Variants in PRKD3 observed in about 807,000 individuals in gnomAD.
PRKD3 encodes the protein serine/threonine-protein kinase D3.
PRKD3 carries 47 observed loss-of-function variants against 99.2 expected under a neutral mutation model. That is an observed-to-expected ratio of 0.47 (90% CI 0.38 to 0.60). The LOEUF is 0.60. Ranked by LOEUF, PRKD3 falls within the 20% of genes least tolerant of loss-of-function variation. The pLI is 0.00. For missense variants in PRKD3, 1,019 were observed against 1,088.4 expected (o/e 0.94, Z 0.90); for synonymous variants, 392 against 355.4 (o/e 1.10, Z -1.16).
chr2:37,283,891 A>C (rs1363345576), intron 6 of PRKD3, among the ~76,000 whole-genome samples: 1 of 131,352 alleles, frequency 7.6e-6, no homozygotes, highest in African/African-American at 3.0e-5. Context: ...ACAGAGCAAG[A>C]CTCTGTCTCA....
At chr2:37,268,035 T>TA (rs201415076) in intron 13 of PRKD3, 4,461 of 192,852 alleles carry the variant, frequency 0.023, 78 homozygotes, top group Middle Eastern at 0.033. Flanking sequence ...AGAAGTTTAT[T>TA]ATAATGAACA....
intron 2 of PRKD3, among the ~76,000 whole-genome samples, chr2:37,314,946 T>C (rs930043363): frequency 6.6e-6 from 1 of 152,038 alleles, no homozygotes; most frequent in African/African-American, 2.4e-5. Context: ...GTACAAGTCA[T>C]TGTTAAAACA....
At chr2:37,320,315 C>T (rs1400494614) in intron 1 of PRKD3, among the ~76,000 whole-genome samples, 1 of 151,508 alleles carries the variant, frequency 6.6e-6, no homozygotes, top group Non-Finnish European at 1.5e-5. Context: ...GGTTGTCTCA[C>T]GAGGTAATGA....
intron 13 of PRKD3, chr2:37,269,339 C>A (rs559943778): frequency 7.6e-6 from 3 of 397,254 alleles, no homozygotes; most frequent in South Asian, 2.8e-5. Flanking sequence ...CCATCTCCCC[C>A]CCTGCCTCCG....
At position 37,289,419 on chromosome 2, in the gene PRKD3, T is replaced by C. The variant is rs774988038; in HGVS notation, c.654A>G (p.Pro218=). Residue 218 remains proline (P), a synonymous_variant, in exon 5 of 19, where the codon CCA becomes CCG. Coordinates refer to ENST00000234179, the MANE Select transcript of PRKD3 (RefSeq NM_005813.6). ...RKRRLSNVSL[P]GPGLSVPRPL... is the part of the protein sequence containing the mutation. Reference sequence around the variant, plus strand: ...GTCTTGGAACTGAGAGGCCGGGTCCTGGTAAAGATACATTTGACAGACGTC... The same window carrying C: ...GTCTTGGAACTGAGAGGCCGGGTCCCGGTAAAGATACATTTGACAGACGTC... 3.7e-6 allele frequency: 6 copies of C among 1,614,016 alleles called. No homozygotes were observed. Among genetic ancestry groups the C allele is most frequent in the Non-Finnish European group, 5.1e-6 (6 of 1,180,008 alleles).
chr2:37,295,226 A>G (rs1670623559), intron 2 of PRKD3, among the ~76,000 whole-genome samples: 1 of 152,202 alleles, frequency 6.6e-6, no homozygotes, highest in Non-Finnish European at 1.5e-5. Flanking sequence ...GGAACTTACA[A>G]TCTAGTAGGA....
At chr2:37,264,569 TGAG>T (rs1286030533) in intron 14 of PRKD3, among the ~76,000 whole-genome samples, 9 of 152,048 alleles carry the variant, frequency 5.9e-5, no homozygotes, top group African/African-American at 2.2e-4. Context: ...GAGGCTTCAT[TGAG>T]GAAATGATAT....
Position 37,253,343 on chromosome 2 carries a change from T to C in PRKD3, c.2507A>G (p.Gln836Arg). The C allele has an allele frequency of 1.2e-6, 2 of 1,610,026 alleles. No individual in the cohort carries two copies. Among genetic ancestry groups the C allele is most frequent in the Non-Finnish European group, 1.7e-6 (2 of 1,177,232 alleles). Reference sequence around the variant, plus strand: ...AAATTCTCTAAGGTCAAGCCAAGTCTGATAGTCCTAGGAGAAAATGAAATT... The same window carrying C: ...AAATTCTCTAAGGTCAAGCCAAGTCCGATAGTCCTAGGAGAAAATGAAATT... ...SLSHPWLQDY[Q>R]TWLDLREFET... is the part of the protein sequence containing the mutation. Residue 836 changes from glutamine (Q) to arginine (R), a missense_variant, in exon 19 of 19, where the codon CAG becomes CGG. Gln to Arg is a conservative substitution (Grantham distance 43). This residue lies in a region of PRKD3 where 125 missense variants were observed against 120.6 expected (regional missense o/e 1.04). Transcript: ENST00000234179.
chr2:37,291,589 G>A (rs1670425548), intron 3 of PRKD3, among the ~76,000 whole-genome samples: 1 of 152,216 alleles, frequency 6.6e-6, no homozygotes, highest in East Asian at 1.9e-4. Flanking sequence ...GGACTTCCAG[G>A]TGAGACAGGG....
Position 37,316,823 on chromosome 2 carries a change from T to C in PRKD3, c.-299A>G, listed in dbSNP as rs941081806. On this transcript the variant is annotated 5_prime_UTR_variant, in exon 2 of 19. Coordinates refer to ENST00000234179, the MANE Select transcript of PRKD3 (RefSeq NM_005813.6). ...CTGAGCTATCCTCAGCAGGATAGAG[T>C]TGACGTAGCTTATTTACGAATCTAT... The C allele has an allele frequency of 1.1e-5, 13 of 1,154,748 alleles. No homozygotes were observed. The highest frequency in any genetic ancestry group is 3.0e-5 in the South Asian group (1 of 33,478). 71.5% of individuals were successfully genotyped at this position (1,154,748 alleles called of 1,614,324 possible). A position where few individuals can be genotyped will look rare whatever the true frequency, so the allele number is the denominator to read the frequency against.
intron 16 of PRKD3, 114 bp from the exon 17 acceptor site, chr2:37,257,043 T>G (rs1218925387): frequency 1.7e-6 from 2 of 1,147,178 alleles, no homozygotes; most frequent in African/African-American, 1.6e-5. Context: ...CTCTACTGAT[T>G]ATGAATATTA....
chr2:37,299,471 C>A (rs1462996992), intron 2 of PRKD3, among the ~76,000 whole-genome samples: 3 of 150,222 alleles, frequency 2.0e-5, no homozygotes, highest in Non-Finnish European at 4.4e-5. Context: ...GAGTTCGAGA[C>A]TAGCCTGGTC....
At chr2:37,257,564 G>A (rs1668058030) in intron 16 of PRKD3, among the ~76,000 whole-genome samples, 2 of 151,306 alleles carry the variant, frequency 1.3e-5, no homozygotes, top group African/African-American at 4.9e-5. Context: ...TACTTGGGAG[G>A]CTGAAGCAGG....
chr2:37,289,773 T>C (rs185303707), intron 4 of PRKD3, among the ~76,000 whole-genome samples: 2 of 152,260 alleles, frequency 1.3e-5, no homozygotes, highest in Admixed American at 1.3e-4. Flanking sequence ...TTGTTAGAAA[T>C]GTAAATTACA....
intron 2 of PRKD3, among the ~76,000 whole-genome samples, chr2:37,315,739 C>G (rs1442023935): frequency 6.6e-6 from 1 of 152,196 alleles, no homozygotes; most frequent in Non-Finnish European, 1.5e-5. Context: ...TGTTTTCAGA[C>G]TGAGTCTCAC....
At chr2:37,319,867 TAGG>T (rs1287521274) in intron 1 of PRKD3, among the ~76,000 whole-genome samples, 1 of 152,084 alleles carries the variant, frequency 6.6e-6, no homozygotes, top group Non-Finnish European at 1.5e-5. Flanking sequence ...TAAGTGTTAA[TAGG>T]AGAATTGATT....
intron 12 of PRKD3, 133 bp downstream of exon 12, chr2:37,272,247 T>C (rs1669314189): frequency 7.3e-7 from 1 of 1,360,714 alleles, no homozygotes; most frequent in Admixed American, 3.1e-5. Flanking sequence ...CAGAACTCCT[T>C]AGGGAAGTTA....
intron 2 of PRKD3, among the ~76,000 whole-genome samples, chr2:37,307,638 A>G (rs1303513183): frequency 1.3e-5 from 2 of 152,242 alleles, no homozygotes; most frequent in African/African-American, 2.4e-5. Context: ...TAAAAGATGA[A>G]TAAGACAGCA....
At chr2:37,290,225 T>C (rs188314886) in intron 4 of PRKD3, among the ~76,000 whole-genome samples, 4 of 152,310 alleles carry the variant, frequency 2.6e-5, no homozygotes, top group Admixed American at 1.3e-4. Flanking sequence ...TAGTTGTATG[T>C]AAGAGACAAC....
Sources: gnomAD v4.1 joint callset for allele counts (sites outside exome capture counted in the v4.1 genomes callset) on GRCh38, gnomAD v4.1.1 for gene constraint, gnomAD v4.1.1 regional missense constraint, MANE v1.5 for transcripts, NCBI Gene and HGNC (gene_info 2026-07-23, HGNC 2026-07-21) for gene names.